The following CYP4B1 variants were observed in gnomAD, a reference collection of about 807,000 sequenced individuals.
The protein encoded by CYP4B1 is cytochrome P450 4B1.
Under a neutral mutation model 54.0 loss-of-function variants are expected in CYP4B1, and 45 were observed. The observed-to-expected ratio is 0.83, with a 90% CI of 0.66 to 1.07. The LOEUF is 1.07. Among genes scored for constraint, CYP4B1 ranks in the 50% least tolerant of loss-of-function variants. The pLI is 0.00. For missense variants in CYP4B1, 656 were observed against 655.4 expected (o/e 1.00, Z -0.01); for synonymous variants, 248 against 247.5 (o/e 1.00, Z -0.02).
chr1:46,810,735 C>T, intron 1 of CYP4B1, 73 bp from the exon 2 acceptor site: 2 of 1,562,280 alleles, frequency 1.3e-6, no homozygotes, highest in Non-Finnish European at 1.8e-6. Flanking sequence ...TCTCCCCTGC[C>T]CTCCCAGGGA....
At position 46,817,268 on chromosome 1, in the gene CYP4B1, T is replaced by C. The variant is rs1188805709; in HGVS notation, c.1207+87T>C. 5.8e-6 allele frequency: 9 copies of C among 1,544,290 alleles called. No individual in the cohort carries two copies. In the African/African-American group the frequency reaches 1.1e-4, roughly 19 times the overall value. On this transcript the variant is annotated intron_variant, in intron 9 of 11. Coordinates refer to ENST00000371923, the MANE Select transcript of CYP4B1 (RefSeq NM_001099772.2). ...TGCCTTTAGTCAAATCTTTGCACTT[T>C]TGGGGAAGAGCTCAGGCTTTGCGTT...
Position 46,804,084 on chromosome 1 carries a change from G to A in CYP4B1, c.180+4823G>A, listed in dbSNP as rs538485944. ...AATTGTTGGTAGGTAGATGGCACAGGAAACCACAGAAGCAGGTGAGAGCTT... is the reference window on the plus strand; with the variant it reads ...AATTGTTGGTAGGTAGATGGCACAGAAAACCACAGAAGCAGGTGAGAGCTT... On this transcript the variant is annotated intron_variant, in intron 1 of 11. Transcript: ENST00000371923. Among the ~76,000 whole-genome samples the A allele has an allele frequency of 7.0e-4, 107 of 152,312 alleles. 1 individual carries two copies. The highest frequency in any genetic ancestry group is 2.5e-3 in the African/African-American group (103 of 41,556).
chr1:46,799,475 G>A (rs752055024), intron 1 of CYP4B1, among the ~76,000 whole-genome samples: 1 of 152,182 alleles, frequency 6.6e-6, no homozygotes, highest in Non-Finnish European at 1.5e-5. Flanking sequence ...CAACTTCCAA[G>A]TCAGGGCTCA....
chr1:46,814,359 A>AGAGG (rs772865894), intron 7 of CYP4B1, 44 bp downstream of exon 7: 20 of 1,469,286 alleles, frequency 1.4e-5, no homozygotes, highest in African/African-American at 2.8e-5. Context: ...CTGGTCCCAG[A>AGAGG]GAGGTCTTCA....
intron 1 of CYP4B1, among the ~76,000 whole-genome samples, chr1:46,802,005 T>C (rs189442630): frequency 6.6e-6 from 1 of 152,158 alleles, no homozygotes; most frequent in Non-Finnish European, 1.5e-5. Flanking sequence ...CTTGGTAGCA[T>C]CTACCTGTCA....
Position 46,814,030 on chromosome 1 carries a change from C to T in CYP4B1, c.742C>T (p.Leu248=). Residue 248 remains leucine (L), a synonymous_variant, in exon 6 of 12, where the codon CTG becomes TTG. Coordinates refer to ENST00000371923, the MANE Select transcript of CYP4B1 (RefSeq NM_001099772.2). Reference sequence around the variant, plus strand: ...GCTCACCCCACATGGCCGCCGCTTCCTGCGGGCCTGCCAGGTGGCCCATGA... The same window carrying T: ...GCTCACCCCACATGGCCGCCGCTTCTTGCGGGCCTGCCAGGTGGCCCATGA... ...YWLTPHGRRF[L]RACQVAHDHT... is the part of the protein sequence containing the mutation. 1 of 1,614,152 alleles carries T rather than the reference C, an allele frequency of 6.2e-7. No homozygotes were observed. The highest frequency in any genetic ancestry group is 1.1e-5 in the South Asian group (1 of 91,084).
rs1325738465 is a variant in CYP4B1 at position 46,818,034 on chromosome 1, C to T, written c.1272+5C>T. Reference sequence around the variant, plus strand: ...GCTGTATGGCCCGACCCTGAGGTACCCTTTCCCTGGGCTGGGAGATCAGAC... The same window carrying T: ...GCTGTATGGCCCGACCCTGAGGTACTCTTTCCCTGGGCTGGGAGATCAGAC... On this transcript the variant is annotated splice_donor_5th_base_variant and intron_variant, in intron 10 of 11. Transcript: ENST00000371923. 1.2e-6 allele frequency: 2 copies of T among 1,614,054 alleles called. No individual in the cohort carries two copies. The highest frequency in any genetic ancestry group is 1.7e-5 in the Admixed American group (1 of 60,016).
At chr1:46,800,303 T>C (rs1678601532) in intron 1 of CYP4B1, among the ~76,000 whole-genome samples, 1 of 136,576 alleles carries the variant, frequency 7.3e-6, no homozygotes, top group Non-Finnish European at 1.6e-5. Context: ...CCTTCCTTCT[T>C]TCCTTCCTTC....
intron 1 of CYP4B1, among the ~76,000 whole-genome samples, chr1:46,810,038 T>A (rs1679034047): frequency 1.3e-5 from 2 of 152,186 alleles, no homozygotes; most frequent in Non-Finnish European, 2.9e-5. Flanking sequence ...ATGGGGCAGC[T>A]CCTGGAAGAC....
At chr1:46,815,325 C>T (rs2148410200) in intron 8 of CYP4B1, 61 bp downstream of exon 8, 1 of 1,421,698 alleles carries the variant, frequency 7.0e-7, no homozygotes, top group Non-Finnish European at 9.4e-7. Context: ...GATGCCCATC[C>T]TGTCCTGAAC....
Position 46,818,826 on chromosome 1 carries a change from A to G in CYP4B1, c.*12A>G, listed in dbSNP as rs778010747. 29 of 1,613,652 alleles carry G rather than the reference A, an allele frequency of 1.8e-5. No individual in the cohort carries two copies. In the Admixed American group the frequency reaches 4.8e-4, roughly 27 times the overall value. On this transcript the variant is annotated 3_prime_UTR_variant, in exon 12 of 12. Coordinates refer to ENST00000371923, the MANE Select transcript of CYP4B1 (RefSeq NM_001099772.2). ...GGTCTGGGAAGTAGCTCTGATGAGA[A>G]TGGGGTCCCAGATGGCTCAGGCTGT... is the stretch of plus-strand genomic sequence containing the variant.
intron 1 of CYP4B1, among the ~76,000 whole-genome samples, chr1:46,804,930 T>G (rs1382719067): frequency 6.6e-6 from 1 of 152,244 alleles, no homozygotes. Context: ...CTGCTTTTTT[T>G]CTTTCTGGAG....
intron 1 of CYP4B1, among the ~76,000 whole-genome samples, chr1:46,809,042 C>A (rs1452943339): frequency 6.6e-6 from 1 of 150,606 alleles, no homozygotes; most frequent in South Asian, 2.1e-4. Flanking sequence ...GTGGGTGCAG[C>A]GCACCAGCAT....
At position 46,814,043 on chromosome 1, in the gene CYP4B1, AG is replaced by A; in HGVS notation, c.757del (p.Val253TrpfsTer98). ...PHGRRFLRAC[Q>X]VAHDHTDQVI... Reference sequence around the variant, plus strand: ...GGCCGCCGCTTCCTGCGGGCCTGCCAGGTGGCCCATGACCATACAGGTGGGC... The same window carrying A: ...GGCCGCCGCTTCCTGCGGGCCTGCCAGTGGCCCATGACCATACAGGTGGGC... On this transcript the variant is annotated frameshift_variant, in exon 6 of 12. Coordinates refer to ENST00000371923, the MANE Select transcript of CYP4B1 (RefSeq NM_001099772.2). LOFTEE classifies it high-confidence loss of function. 1 of 1,614,096 alleles carries A rather than the reference AG, an allele frequency of 6.2e-7. No individual in the cohort carries two copies. Among genetic ancestry groups the A allele is most frequent in the Non-Finnish European group, 8.5e-7 (1 of 1,180,004 alleles).
chr1:46,815,269 G>A lies in CYP4B1; in HGVS notation c.1073+5G>A, dbSNP rs762356887. 2 of 1,547,920 alleles carry A rather than the reference G, an allele frequency of 1.3e-6. No homozygotes were observed. Among genetic ancestry groups the A allele is most frequent in the African/African-American group, 1.4e-5 (1 of 73,178 alleles). ...GGACCAGGACTTCTTCCAGTGGTGA[G>A]TCTGAGGGTGGGCCCGGTTTATCCT... On this transcript the variant is annotated splice_donor_5th_base_variant and intron_variant, in intron 8 of 11. Transcript: ENST00000371923.
Position 46,813,578 on chromosome 1 carries a change from G to A in CYP4B1, c.592G>A (p.Gly198Arg). The change falls in exon 5 of 12, where the codon GGA becomes AGA. Residue 198 changes from glycine (G) to arginine (R), a missense_variant. Transcript: ENST00000371923. ...ALNTLMKCTF[G>R]RGDTGLGHSR... is the part of the protein sequence containing the mutation. ...GAACACACTCATGAAGTGCACCTTTGGAAGAGGAGACACCGGCCTGGGCCA... is the reference window on the plus strand; with the variant it reads ...GAACACACTCATGAAGTGCACCTTTAGAAGAGGAGACACCGGCCTGGGCCA... 6.2e-7 allele frequency: 1 copy of A among 1,614,138 alleles called. No individual in the cohort carries two copies. The highest frequency in any genetic ancestry group is 8.5e-7 in the Non-Finnish European group (1 of 1,180,034).
chr1:46,814,551 T>C (rs1679255937), intron 7 of CYP4B1, among the ~76,000 whole-genome samples: 2 of 152,184 alleles, frequency 1.3e-5, no homozygotes. Flanking sequence ...TGGACGACAT[T>C]TCTAGACTTC....
At chr1:46,800,279 T>C (rs1170829283) in intron 1 of CYP4B1, among the ~76,000 whole-genome samples, 1 of 130,130 alleles carries the variant, frequency 7.7e-6, no homozygotes, top group Non-Finnish European at 1.6e-5. Context: ...CCTTCCTTCC[T>C]TCCTTCCTTC....
At chr1:46,811,027 G>A in intron 2 of CYP4B1, 78 bp downstream of exon 2, 1 of 1,602,466 alleles carries the variant, frequency 6.2e-7, no homozygotes, top group Non-Finnish European at 8.5e-7. Context: ...ATATGGGGAG[G>A]AAGCCTGGGC....
Sources: gnomAD v4.1 joint callset for allele counts (sites outside exome capture counted in the v4.1 genomes callset) on GRCh38, gnomAD v4.1.1 for gene constraint, MANE v1.5 for transcripts, NCBI Gene and HGNC (gene_info 2026-07-23, HGNC 2026-07-21) for gene names.